The following KCNJ6 variants were observed in gnomAD, a reference collection of about 807,000 sequenced individuals.
KCNJ6 encodes potassium inwardly rectifying channel subfamily J member 6.
KCNJ6 carries 9 observed loss-of-function variants against 34.2 expected under a neutral mutation model. That is an observed-to-expected ratio of 0.26 (90% CI 0.16 to 0.46). The LOEUF (loss-of-function observed/expected upper bound fraction) is 0.46. Ranked by LOEUF, KCNJ6 falls within the 20% of genes least tolerant of loss-of-function variation. The probability of loss-of-function intolerance (pLI) is 1.00; values close to 1 mark genes in which losing one functional copy is unlikely to be tolerated. For missense variants in KCNJ6, 236 were observed against 531.3 expected (o/e 0.44, Z 5.46); for synonymous variants, 196 against 207.1 (o/e 0.95, Z 0.46).
rs564775548 is a variant in KCNJ6, at chr21:37,613,498, C to T, written c.*11661G>A. ...TATAGTGGCTTTATTCATAACTGAC[C>T]AAACTTGGAAGCAACCAAGGTGTCC... On this transcript the variant is annotated 3_prime_UTR_variant, in exon 4 of 4. Transcript: ENST00000609713. 1 of 152,274 alleles carries T rather than the reference C, an allele frequency of 6.6e-6. No homozygotes were observed. Among genetic ancestry groups the T allele is most frequent in the Non-Finnish European group, 1.5e-5 (1 of 68,034 alleles). The allele number at this position is 152,274 out of a possible 1,614,324, so 9.4% of individuals were successfully genotyped here. A position where few individuals can be genotyped will look rare whatever the true frequency, so the allele number is the denominator to read the frequency against.
chr21:37,637,900 C>T (rs2054365071), intron 3 of KCNJ6, among the ~76,000 whole-genome samples: 1 of 152,216 alleles, frequency 6.6e-6, no homozygotes, highest in Non-Finnish European at 1.5e-5. Context: ...GAGCCCTAAG[C>T]AGAAGCCAAC....
intron 3 of KCNJ6, among the ~76,000 whole-genome samples, chr21:37,711,288 C>T (rs1388950360): frequency 6.6e-6 from 1 of 152,234 alleles, no homozygotes; most frequent in Non-Finnish European, 1.5e-5. Flanking sequence ...CCGGAAAACA[C>T]CACGCTGGGA....
At chr21:37,707,143 T>A (rs973536589) in intron 3 of KCNJ6, among the ~76,000 whole-genome samples, 11 of 152,224 alleles carry the variant, frequency 7.2e-5, no homozygotes, top group Non-Finnish European at 1.6e-4. Flanking sequence ...CTTTTACCCT[T>A]GCATTGTGCT....
At chr21:37,845,974 G>GT (rs1246512987) in intron 1 of KCNJ6, among the ~76,000 whole-genome samples, 1 of 152,022 alleles carries the variant, frequency 6.6e-6, no homozygotes, top group Non-Finnish European at 1.5e-5. Flanking sequence ...CACATCAAAC[G>GT]TTTGGGGTAA....
At chr21:37,663,958 G>T (rs2054501980) in intron 3 of KCNJ6, among the ~76,000 whole-genome samples, 1 of 152,190 alleles carries the variant, frequency 6.6e-6, no homozygotes, top group Non-Finnish European at 1.5e-5. Flanking sequence ...TATTTACCAT[G>T]TACAACGTTA....
intron 2 of KCNJ6, among the ~76,000 whole-genome samples, chr21:37,792,514 C>T (rs187025937): frequency 1.3e-5 from 2 of 152,294 alleles, no homozygotes; most frequent in African/African-American, 4.8e-5. Context: ...GGGAAAAGCA[C>T]AGATTCTAGA....
chr21:37,793,373 G>A (rs1327995846), intron 2 of KCNJ6, among the ~76,000 whole-genome samples: 5 of 152,226 alleles, frequency 3.3e-5, no homozygotes, highest in African/African-American at 1.2e-4. Context: ...AAACCCTTCA[G>A]CCTTCGGCTG....
chr21:37,734,878 C>T (rs989488266), intron 2 of KCNJ6, among the ~76,000 whole-genome samples: 9 of 152,138 alleles, frequency 5.9e-5, no homozygotes. Context: ...CTCATTTGAG[C>T]TTAGGATAAC....
intron 2 of KCNJ6, among the ~76,000 whole-genome samples, chr21:37,780,637 A>C (rs1174419130): frequency 6.6e-6 from 1 of 152,218 alleles, no homozygotes. Flanking sequence ...CAATGTTTCC[A>C]TAAACCTAAA....
At chr21:37,760,678 G>A (rs2055056679) in intron 2 of KCNJ6, among the ~76,000 whole-genome samples, 1 of 152,222 alleles carries the variant, frequency 6.6e-6, no homozygotes, top group Admixed American at 6.5e-5. Context: ...TCATGCTTAA[G>A]AACCTGCCTT....
intron 3 of KCNJ6, among the ~76,000 whole-genome samples, chr21:37,694,960 A>G (rs117329513): frequency 0.018 from 2,726 of 152,324 alleles, 25 homozygotes; most frequent in Non-Finnish European, 0.027. Flanking sequence ...AGCTACCTCT[A>G]TCTGGGACTT....
chr21:37,678,001 T>C (rs866301973), intron 3 of KCNJ6, among the ~76,000 whole-genome samples: 20 of 152,158 alleles, frequency 1.3e-4, no homozygotes, highest in African/African-American at 3.6e-4. Flanking sequence ...GTTCTTACTG[T>C]CACAGAGATA....
intron 1 of KCNJ6, among the ~76,000 whole-genome samples, chr21:37,896,062 G>A (rs2055786343): frequency 6.6e-6 from 1 of 152,132 alleles, no homozygotes; most frequent in Non-Finnish European, 1.5e-5. Flanking sequence ...CCTCTGGGGA[G>A]GCCTCAGGAA....
rs2054304208 is a variant in KCNJ6 at position 37,624,988 on chromosome 21, TGA to T, written c.*169_*170del. On this transcript the variant is annotated 3_prime_UTR_variant, in exon 4 of 4. Coordinates refer to ENST00000609713, the MANE Select transcript of KCNJ6 (RefSeq NM_002240.5). ...TGTCTACCTTGTCAATCTGAATAAC[TGA>T]GAGAGGGCAGGTAGATATTTTACAC... The T allele has an allele frequency of 1.6e-6, 1 of 612,386 alleles. No individual in the cohort carries two copies. The highest frequency in any genetic ancestry group is 2.9e-6 in the Non-Finnish European group (1 of 348,448). The allele number at this position is 612,386 out of a possible 1,614,324, so 37.9% of individuals were successfully genotyped here.
intron 3 of KCNJ6, among the ~76,000 whole-genome samples, chr21:37,683,952 C>T (rs73904041): frequency 2.6e-5 from 4 of 152,314 alleles, no homozygotes; most frequent in East Asian, 3.9e-4. Flanking sequence ...ACAGTGACCA[C>T]GTTTGGTGAG....
rs183496597 is a variant in KCNJ6 at position 37,620,939 on chromosome 21, G to A, written c.*4220C>T. ...AAAGGCAGAAATATTAGGAAGAGGCGTGCTTTACTCAATTTTAAATTAAAG... is the reference window on the plus strand; with the variant it reads ...AAAGGCAGAAATATTAGGAAGAGGCATGCTTTACTCAATTTTAAATTAAAG... On this transcript the variant is annotated 3_prime_UTR_variant, in exon 4 of 4. Coordinates refer to ENST00000609713, the MANE Select transcript of KCNJ6 (RefSeq NM_002240.5). 1.1e-4 allele frequency: 17 copies of A among 152,304 alleles called. No homozygotes were observed. Among genetic ancestry groups the A allele is most frequent in the African/African-American group, 3.6e-4 (15 of 41,552 alleles). 9.4% of individuals were successfully genotyped at this position (152,304 alleles called of 1,614,324 possible). A position where few individuals can be genotyped will look rare whatever the true frequency, so the allele number is the denominator to read the frequency against.
Position 37,714,946 on chromosome 21 carries a change from T to G in KCNJ6, c.211A>C (p.Arg71=), listed in dbSNP as rs2054781882. 1 of 1,614,016 alleles carries G rather than the reference T, an allele frequency of 6.2e-7. No individual in the cohort carries two copies. The highest frequency in any genetic ancestry group is 8.5e-7 in the Non-Finnish European group (1 of 1,180,002). The change falls in exon 3 of 4, where the codon AGG becomes CGG. Residue 71 remains arginine, a synonymous_variant. Transcript: ENST00000609713. The surrounding 1 kb of genome is among the most constrained non-coding windows in gnomAD (Gnocchi z 5.9). ...TCGGTCAGGTAGCGATAGGTCTCCC[T>G]CACGTTGCCGTGATGAACATTGCAC... ...GKCNVHHGNV[R]ETYRYLTDIF...
intron 2 of KCNJ6, among the ~76,000 whole-genome samples, chr21:37,809,825 C>A (rs768956512): frequency 2.6e-5 from 4 of 152,160 alleles, no homozygotes; most frequent in Non-Finnish European, 5.9e-5. Context: ...CATAGTCTTT[C>A]TCTCTGCCAT....
Position 37,756,371 on chromosome 21 carries a change from G to A in KCNJ6, c.26-41240C>T, listed in dbSNP as rs868198196. Among the ~76,000 whole-genome samples, 26 of 152,202 alleles carry A rather than the reference G, an allele frequency of 1.7e-4. 1 individual carries two copies. In the South Asian group the frequency reaches 2.7e-3, roughly 16 times the overall value. On this transcript the variant is annotated intron_variant, in intron 2 of 3. Transcript: ENST00000609713. The stretch of plus-strand genomic sequence containing the variant: ...AGACAGTGTGGGCCACAGACCCCAC[G>A]GTCAGAGAATGGGTGGTGGGAGCAG...
Sources: gnomAD v4.1 joint callset for allele counts (sites outside exome capture counted in the v4.1 genomes callset) on GRCh38, gnomAD v4.1.1 for gene constraint, Gnocchi (gnomAD v3.1) non-coding constraint, MANE v1.5 for transcripts, NCBI Gene and HGNC (gene_info 2026-07-23, HGNC 2026-07-21) for gene names.